ATR: variants seen among roughly 807,000 people sequenced by gnomAD.
ATR encodes the protein ATR checkpoint kinase, also known as serine/threonine-protein kinase ATR.
A neutral mutation model predicts 305.3 loss-of-function variants in ATR; 142 were observed. The observed-to-expected ratio is 0.47, with a 90% CI of 0.41 to 0.53. ATR has a LOEUF of 0.53. Ranked by LOEUF, ATR falls within the 20% of genes least tolerant of loss-of-function variation. The pLI is 0.00. For missense variants in ATR, 2,135 were observed against 3,133.1 expected (o/e 0.68, Z 7.60); for synonymous variants, 1,050 against 1,068.1 (o/e 0.98, Z 0.33).
intron 16 of ATR, among the ~76,000 whole-genome samples, chr3:142,543,508 T>G (rs935753864): frequency 8.4e-4 from 120 of 142,386 alleles, no homozygotes; most frequent in African/African-American, 2.9e-3. Flanking sequence ...CCTTCCTCCC[T>G]CTTTCTCTTT....
At chr3:142,486,586 T>A (rs181702226) in intron 35 of ATR, among the ~76,000 whole-genome samples, 1 of 152,164 alleles carries the variant, frequency 6.6e-6, no homozygotes, top group Non-Finnish European at 1.5e-5. Flanking sequence ...TGATCAATTA[T>A]CACAAAGTAA....
chr3:142,515,411 C>G lies in ATR; in HGVS notation c.4487G>C (p.Gly1496Ala). The G allele has an allele frequency of 6.2e-7, 1 of 1,613,844 alleles. No homozygotes were observed. Among genetic ancestry groups the G allele is most frequent in the Non-Finnish European group, 8.5e-7 (1 of 1,179,896 alleles). Residue 1496 changes from glycine to alanine, a missense_variant, in exon 25 of 47, where the codon GGT becomes GCT. By Grantham distance (60) the Gly-to-Ala change is moderately conservative. Around this residue, in one of 9 missense-constraint regions of ATR, gnomAD observed 202 missense variants for 252.9 expected, o/e 0.80. Coordinates refer to ENST00000350721, the MANE Select transcript of ATR (RefSeq NM_001184.4). ...NFAEWSASWAGYLITKVRHDL... is the reference protein window; with the variant it reads ...NFAEWSASWAAYLITKVRHDL... ...GTTTCTTACCTTTGTAATAAGATAA[C>G]CTGCCCAAGATGCTGACCATTCTGC...
At chr3:142,489,776 C>G (rs552968081) in intron 35 of ATR, among the ~76,000 whole-genome samples, 1 of 152,240 alleles carries the variant, frequency 6.6e-6, no homozygotes, top group Admixed American at 6.5e-5. Context: ...GTGTACAAGT[C>G]TTTTTATTGA....
chr3:142,573,453 CAAAA>C (rs1218216880), intron 1 of ATR, among the ~76,000 whole-genome samples: 3 of 45,992 alleles, frequency 6.5e-5, no homozygotes, highest in Admixed American at 2.4e-4. Flanking sequence ...GACTTCATCT[CAAAA>C]AAAAAAAAAA....
At chr3:142,558,503 CAG>C in intron 8 of ATR, 119 bp downstream of exon 8, 1 of 906,276 alleles carries the variant, frequency 1.1e-6, no homozygotes, top group Non-Finnish European at 1.4e-6. Context: ...GCATGGGCGA[CAG>C]AGTAAGACTC....
Position 142,514,079 on chromosome 3 carries a change from C to T in ATR, c.4504-441G>A, listed in dbSNP as rs139074414. On this transcript the variant is annotated intron_variant, in intron 25 of 46. Coordinates refer to ENST00000350721, the MANE Select transcript of ATR (RefSeq NM_001184.4). ...GGTCAAGAGATCGAGACCATCCTGG[C>T]CAACATGGTGAAACCCAGTCTCTAC... is the stretch of plus-strand genomic sequence containing the variant. 5.8e-3 allele frequency among the ~76,000 whole-genome samples: 871 copies of T among 151,356 alleles called. 8 individuals carry two copies. Among genetic ancestry groups the T allele is most frequent in the Non-Finnish European group, 9.0e-3 (612 of 67,840 alleles).
At chr3:142,529,385 T>A (rs962574669) in intron 21 of ATR, among the ~76,000 whole-genome samples, 3 of 152,178 alleles carry the variant, frequency 2.0e-5, no homozygotes, top group Non-Finnish European at 2.9e-5. Flanking sequence ...TTATCTTACT[T>A]ACTCCTTACT....
intron 45 of ATR, among the ~76,000 whole-genome samples, chr3:142,453,467 G>T (rs1026143442): frequency 1.5e-4 from 23 of 152,148 alleles, no homozygotes; most frequent in Non-Finnish European, 2.6e-4. Flanking sequence ...GGAGAATAGA[G>T]TAAGATGGGT....
chr3:142,551,362 G>A (rs1315456080), intron 13 of ATR, among the ~76,000 whole-genome samples: 1 of 152,168 alleles, frequency 6.6e-6, no homozygotes, highest in Non-Finnish European at 1.5e-5. Context: ...GGAGTTAGAG[G>A]TTTCAGTGAG....
At chr3:142,527,229 C>T (rs1202556760) in intron 21 of ATR, among the ~76,000 whole-genome samples, 3 of 151,626 alleles carry the variant, frequency 2.0e-5, no homozygotes, top group African/African-American at 4.8e-5. Flanking sequence ...TATATATTGC[C>T]GCTTTTTTAA....
intron 38 of ATR, among the ~76,000 whole-genome samples, chr3:142,468,392 G>A (rs1183752220): frequency 1.3e-5 from 2 of 151,958 alleles, no homozygotes; most frequent in African/African-American, 4.8e-5. Context: ...ATAAGTTATT[G>A]AAGGCTATTT....
chr3:142,491,786 G>C (rs1430691408), intron 35 of ATR, among the ~76,000 whole-genome samples: 1 of 152,106 alleles, frequency 6.6e-6, no homozygotes, highest in East Asian at 1.9e-4. Context: ...TGTGCCATTT[G>C]CTTTGGCTGT....
At chr3:142,539,360 ATC>A (rs1282154394) in intron 18 of ATR, among the ~76,000 whole-genome samples, 1 of 152,154 alleles carries the variant, frequency 6.6e-6, no homozygotes, top group Non-Finnish European at 1.5e-5. Flanking sequence ...AAAGCAGAGA[ATC>A]TATAAGAGAT....
chr3:142,536,251 T>TA (rs745725298), intron 19 of ATR, 50 bp from the exon 20 acceptor site: 3 of 1,281,484 alleles, frequency 2.3e-6, no homozygotes, highest in South Asian at 1.2e-5. Context: ...ATATGAATAC[T>TA]AAAAAAATGT....
rs557835389 is a variant in ATR, at chr3:142,510,139, C to T, written c.4853-2030G>A. ...AGAAAAAAAAAAAAAAAAAAAGCTA[C>T]TGTCACTGAAAATGGTGATAATAGA... is the stretch of plus-strand genomic sequence containing the variant. On this transcript the variant is annotated intron_variant, in intron 27 of 46. Transcript: ENST00000350721. Among the ~76,000 whole-genome samples, 259 of 131,474 alleles carry T rather than the reference C, an allele frequency of 2.0e-3. 1 individual carries two copies. Among genetic ancestry groups the T allele is most frequent in the African/African-American group, 6.9e-3 (237 of 34,150 alleles). The allele number at this position is 131,474 out of a possible 152,430, so 86.3% of individuals were successfully genotyped here. A position where few individuals can be genotyped will look rare whatever the true frequency, so the allele number is the denominator to read the frequency against.
intron 34 of ATR, among the ~76,000 whole-genome samples, chr3:142,495,295 T>C (rs2031518216): frequency 6.6e-6 from 1 of 152,230 alleles, no homozygotes; most frequent in Non-Finnish European, 1.5e-5. Context: ...ACCTCTCCTG[T>C]CCTTTCTCAG....
At chr3:142,487,860 A>G (rs971870908) in intron 35 of ATR, among the ~76,000 whole-genome samples, 3 of 152,242 alleles carry the variant, frequency 2.0e-5, no homozygotes, top group Non-Finnish European at 4.4e-5. Flanking sequence ...TATGGTGGGA[A>G]GAAGGGATCA....
At chr3:142,480,793 C>A (rs1322366778) in intron 36 of ATR, among the ~76,000 whole-genome samples, 2 of 152,218 alleles carry the variant, frequency 1.3e-5, no homozygotes, top group Non-Finnish European at 2.9e-5. Context: ...ATGGCGGGCA[C>A]TCCTCCCCCA....
chr3:142,574,604 T>C (rs1016446171), intron 1 of ATR, among the ~76,000 whole-genome samples: 44 of 152,316 alleles, frequency 2.9e-4, no homozygotes, highest in African/African-American at 1.0e-3. Flanking sequence ...GTAAGTATTA[T>C]ATAAAGCTTA....
Sources: allele counts gnomAD v4.1 joint callset (sites outside exome capture counted in the v4.1 genomes callset), GRCh38; gene constraint gnomAD v4.1.1; regional missense constraint gnomAD v4.1.1; transcripts MANE v1.5; gene names NCBI Gene and HGNC (gene_info 2026-07-23, HGNC 2026-07-21).